Variants in VTI1B observed in about 807,000 individuals in gnomAD.
The protein encoded by VTI1B is vesicle transport through interaction with t-SNAREs 1B.
A neutral mutation model predicts 28.6 loss-of-function variants in VTI1B; 18 were observed. That is an observed-to-expected ratio of 0.63 (90% CI 0.43 to 0.93). The LOEUF (loss-of-function observed/expected upper bound fraction) is 0.93. VTI1B is among the 40% of genes least tolerant of loss of function. The pLI, the probability that VTI1B is intolerant of heterozygous loss-of-function variation, is 0.00. For missense variants in VTI1B, 283 were observed against 297.0 expected, an observed-to-expected ratio of 0.95 and a Z score of 0.35; for synonymous variants, 100 against 107.9, an observed-to-expected ratio of 0.93 and a Z score of 0.46.
In VTI1B at chr14:67,674,270, C is replaced by T. The variant is rs2234513; in HGVS notation, c.115+105G>A. ...GCCCTAGGGGGCGTGTCTGAGGACG[C>T]GGAGGGAGGAGACGCGGGCCCGGGT... On this transcript the variant is annotated intron_variant, in intron 1 of 5. Coordinates refer to ENST00000554659, the MANE Select transcript of VTI1B (RefSeq NM_006370.3). 4.8e-4 allele frequency: 519 copies of T among 1,090,796 alleles called. 3 individuals are homozygous for T. The African/African-American group carries it at 7.9e-3, about 17-fold the overall frequency. The allele number at this position is 1,090,796 out of a possible 1,614,324, so 67.6% of individuals were successfully genotyped here.
intron 3 of VTI1B, among the ~76,000 whole-genome samples, chr14:67,657,589 C>T (rs1000830996): frequency 3.5e-5 from 5 of 141,126 alleles, no homozygotes; most frequent in South Asian, 2.2e-4. Flanking sequence ...TCAAAGCACG[C>T]GCGCGCGTGC....
intron 1 of VTI1B, among the ~76,000 whole-genome samples, chr14:67,674,101 G>A (rs992492762): frequency 2.6e-5 from 4 of 152,228 alleles, no homozygotes; most frequent in African/African-American, 9.6e-5. Flanking sequence ...CAGGACCGCA[G>A]ATGCAAAAGC....
intron 3 of VTI1B, among the ~76,000 whole-genome samples, chr14:67,657,622 A>ACC (rs1491311684): frequency 7.3e-6 from 1 of 136,590 alleles, no homozygotes; most frequent in African/African-American, 3.2e-5. Flanking sequence ...ACACACACAC[A>ACC]CCCAAAATCA....
chr14:67,650,458 G>C lies in VTI1B; in HGVS notation c.*927C>G, dbSNP rs2037157883. ...TCCAGAACGCCTGACAATTATGCCTGTTATGTTAGTTGAACAGGGATGGTT... is the reference window on the plus strand; with the variant it reads ...TCCAGAACGCCTGACAATTATGCCTCTTATGTTAGTTGAACAGGGATGGTT... On this transcript the variant is annotated 3_prime_UTR_variant, in exon 6 of 6. Coordinates refer to ENST00000554659, the MANE Select transcript of VTI1B (RefSeq NM_006370.3). 2.1e-6 allele frequency: 1 copy of C among 481,710 alleles called. No individual in the cohort carries two copies. Among genetic ancestry groups the C allele is most frequent in the African/African-American group, 1.9e-5 (1 of 51,636 alleles). The allele number at this position is 481,710 out of a possible 1,614,324, so 29.8% of individuals were successfully genotyped here.
chr14:67,651,615 A>AG, intron 5 of VTI1B, 134 bp from the exon 6 acceptor site: 1 of 927,672 alleles, frequency 1.1e-6, no homozygotes, highest in Non-Finnish European at 1.6e-6. Flanking sequence ...CTTAGCAGGA[A>AG]GTACTCATAA....
At chr14:67,662,808 G>A (rs2140831121) in intron 1 of VTI1B, among the ~76,000 whole-genome samples, 1 of 150,858 alleles carries the variant, frequency 6.6e-6, no homozygotes, top group East Asian at 2.0e-4. Context: ...GGAGGCAGAG[G>A]TAGAGAAATG....
At chr14:67,662,191 C>A (rs59336216) in intron 2 of VTI1B, among the ~76,000 whole-genome samples, 12,070 of 149,516 alleles carry the variant, frequency 0.081, 666 homozygotes, top group East Asian at 0.23. Flanking sequence ...AAAAAAAAAA[C>A]AACAGATTTT....
rs2140783753 is a variant in VTI1B at position 67,647,669 on chromosome 14, C to G, written c.*3716G>C. 1 of 163,756 alleles carries G rather than the reference C, an allele frequency of 6.1e-6. No individual in the cohort carries two copies. The highest frequency in any genetic ancestry group is 1.8e-4 in the East Asian group (1 of 5,662). The allele number at this position is 163,756 out of a possible 1,614,324, so 10.1% of individuals were successfully genotyped here. ...TTACATCAAGCCAATTTAAATTAGACTAATTTAAATTGTCTAATTAAATTG... is the reference window on the plus strand; with the variant it reads ...TTACATCAAGCCAATTTAAATTAGAGTAATTTAAATTGTCTAATTAAATTG... On this transcript the variant is annotated 3_prime_UTR_variant, in exon 6 of 6. Transcript: ENST00000554659.
intron 1 of VTI1B, among the ~76,000 whole-genome samples, chr14:67,667,382 C>T (rs1387091190): frequency 2.0e-5 from 3 of 152,086 alleles, no homozygotes; most frequent in Non-Finnish European, 4.4e-5. Flanking sequence ...ATTTGTACAC[C>T]GTGACAGCTG....
At chr14:67,661,005 C>T (rs1177371955) in intron 2 of VTI1B, among the ~76,000 whole-genome samples, 1 of 152,060 alleles carries the variant, frequency 6.6e-6, no homozygotes, top group Non-Finnish European at 1.5e-5. Flanking sequence ...AAAACAGATG[C>T]AAAACAGAGA....
intron 2 of VTI1B, among the ~76,000 whole-genome samples, chr14:67,660,726 G>C (rs2037323744): frequency 6.6e-6 from 1 of 152,192 alleles, no homozygotes; most frequent in Non-Finnish European, 1.5e-5. Flanking sequence ...ACATCCACAA[G>C]AGGCCCTAAA....
chr14:67,657,844 GCA>G lies in VTI1B; in HGVS notation c.367-1257_367-1256del, dbSNP rs761473036. Among the ~76,000 whole-genome samples, 14 of 151,714 alleles carry G rather than the reference GCA, an allele frequency of 9.2e-5. No homozygotes were observed. In the East Asian group the frequency reaches 9.7e-4, roughly 11 times the overall value. On this transcript the variant is annotated intron_variant, in intron 3 of 5. Coordinates refer to ENST00000554659, the MANE Select transcript of VTI1B (RefSeq NM_006370.3). ...GCTCACTGCAGCCTCTGCCTCCCGG[GCA>G]CAAGCAATTCTGCTGCCTCAGCCTC...
At chr14:67,664,875 G>A (rs1468437243) in intron 1 of VTI1B, among the ~76,000 whole-genome samples, 1 of 151,362 alleles carries the variant, frequency 6.6e-6, no homozygotes, top group Non-Finnish European at 1.5e-5. Flanking sequence ...CTTAAGACCT[G>A]GCTTTTTTTG....
chr14:67,661,698 A>AT (rs1186848281), intron 2 of VTI1B, among the ~76,000 whole-genome samples: 4 of 149,512 alleles, frequency 2.7e-5, no homozygotes, highest in Admixed American at 1.3e-4. Context: ...AACCTCGGTA[A>AT]TTTTTTTTTG....
chr14:67,662,421 C>G, intron 2 of VTI1B, 56 bp downstream of exon 2: 1 of 1,437,834 alleles, frequency 7.0e-7, no homozygotes, highest in Non-Finnish European at 9.8e-7. Context: ...CATAGCATTA[C>G]TTCTGGAAAA....
intron 2 of VTI1B, among the ~76,000 whole-genome samples, chr14:67,661,953 G>A (rs890731703): frequency 5.9e-5 from 9 of 151,914 alleles, no homozygotes; most frequent in African/African-American, 1.7e-4. Context: ...TCAGGAGATC[G>A]AGACCATCCT....
intron 1 of VTI1B, among the ~76,000 whole-genome samples, chr14:67,667,838 G>A (rs1359990595): frequency 6.6e-6 from 1 of 152,100 alleles, no homozygotes. Flanking sequence ...CAGCTACTCG[G>A]GAGGCTGAGG....
intron 1 of VTI1B, among the ~76,000 whole-genome samples, chr14:67,673,067 A>G (rs2037488572): frequency 6.6e-6 from 1 of 152,202 alleles, no homozygotes; most frequent in South Asian, 2.1e-4. Context: ...CCATCTCCTC[A>G]GAGAGGACTT....
intron 3 of VTI1B, among the ~76,000 whole-genome samples, chr14:67,657,597 T>TGCAC (rs1555383592): frequency 8.4e-6 from 1 of 119,358 alleles, no homozygotes; most frequent in Non-Finnish European, 1.7e-5. Context: ...CGCGCGCGCG[T>TGCAC]GCACACACAC....
Sources: allele counts gnomAD v4.1 joint callset (sites outside exome capture counted in the v4.1 genomes callset), GRCh38; gene constraint gnomAD v4.1.1; transcripts MANE v1.5; gene names NCBI Gene and HGNC (gene_info 2026-07-23, HGNC 2026-07-21).